C7orf78: variants seen among roughly 807,000 people sequenced by gnomAD.
C7orf78 encodes the protein putative uncharacterized protein C7orf78.
the C7orf78 span, among the ~76,000 whole-genome samples, chr7:12,497,244 G>C: frequency 6.6e-6 from 1 of 152,052 alleles, no homozygotes; most frequent in Non-Finnish European, 1.5e-5. Flanking sequence ...AATAGGAACA[G>C]CTCCGGTCTA....
the C7orf78 span, among the ~76,000 whole-genome samples, chr7:12,502,778 G>A: frequency 7.1e-6 from 1 of 140,968 alleles, no homozygotes; most frequent in Non-Finnish European, 1.5e-5. Flanking sequence ...AAAGACACAT[G>A]CACACGTATG....
chr7:12,493,075 T>A, the C7orf78 span, among the ~76,000 whole-genome samples: 1 of 152,188 alleles, frequency 6.6e-6, no homozygotes, highest in East Asian at 1.9e-4. Flanking sequence ...TGGTGGCACA[T>A]GCCTGTAATC....
At chr7:12,493,570 G>A in the C7orf78 span, among the ~76,000 whole-genome samples, 8 of 152,252 alleles carry the variant, frequency 5.3e-5, no homozygotes, top group Admixed American at 2.0e-4. Context: ...CATGCTCTTG[G>A]TCTGGGGCCA....
At chr7:12,486,742 T>C in the C7orf78 span, among the ~76,000 whole-genome samples, 1 of 152,060 alleles carries the variant, frequency 6.6e-6, no homozygotes, top group African/African-American at 2.4e-5. Context: ...TTCAGCTTCA[T>C]TCTGTGTACT....
the C7orf78 span, chr7:12,529,181 C>CT: frequency 2.8e-5 from 11 of 393,272 alleles, no homozygotes; most frequent in South Asian, 1.4e-4. Flanking sequence ...ATAGCCGCTG[C>CT]TTTTTTTGTG....
At chr7:12,487,862 G>T in the C7orf78 span, among the ~76,000 whole-genome samples, 1 of 152,004 alleles carries the variant, frequency 6.6e-6, no homozygotes, top group Non-Finnish European at 1.5e-5. Flanking sequence ...TACTTGTGCA[G>T]TTATAACCAA....
chr7:12,510,049 A>G, the C7orf78 span, among the ~76,000 whole-genome samples: 1 of 152,116 alleles, frequency 6.6e-6, no homozygotes, highest in South Asian at 2.1e-4. Context: ...AAAAAAAAAA[A>G]AAAAAGACAG....
At chr7:12,520,734 A>T in the C7orf78 span, among the ~76,000 whole-genome samples, 2 of 152,162 alleles carry the variant, frequency 1.3e-5, no homozygotes, top group African/African-American at 4.8e-5. Context: ...AACGTCTGTT[A>T]GGTTTATTTG....
the C7orf78 span, among the ~76,000 whole-genome samples, chr7:12,516,248 G>A: frequency 1.3e-5 from 2 of 152,192 alleles, no homozygotes; most frequent in African/African-American, 4.8e-5. Context: ...GTAGAGCTTG[G>A]GCAATGGCTT....
the C7orf78 span, among the ~76,000 whole-genome samples, chr7:12,526,719 C>T: frequency 1.3e-5 from 2 of 151,252 alleles, no homozygotes; most frequent in Non-Finnish European, 2.9e-5. Context: ...CTAGTATATG[C>T]TATGTGTCAC....
At chr7:12,509,288 T>G in the C7orf78 span, among the ~76,000 whole-genome samples, 1 of 152,242 alleles carries the variant, frequency 6.6e-6, no homozygotes, top group Non-Finnish European at 1.5e-5. Context: ...TCTAGGATAA[T>G]TGCTTTTCTC....
chr7:12,500,800 G>T, the C7orf78 span, among the ~76,000 whole-genome samples: 40,629 of 138,268 alleles, frequency 0.29, 7,598 homozygotes, highest in African/African-American at 0.52. Context: ...TAGACCAATA[G>T]CCTTGATGAA....
the C7orf78 span, among the ~76,000 whole-genome samples, chr7:12,525,475 TAAGTTTAAGATTGC>T: frequency 1.2e-4 from 18 of 152,146 alleles, no homozygotes; most frequent in Non-Finnish European, 2.2e-4. Context: ...ATTAGGTTGC[TAAGTTTAAGATTGC>T]AAGTTTAAGA....
chr7:12,520,587 G>C, the C7orf78 span, among the ~76,000 whole-genome samples: 1 of 152,166 alleles, frequency 6.6e-6, no homozygotes, highest in South Asian at 2.1e-4. Flanking sequence ...AGTCAGAAAA[G>C]ATACTTTCTA....
At chr7:12,491,926 C>G in the C7orf78 span, 1 of 152,200 alleles carries the variant, frequency 6.6e-6, no homozygotes, top group Admixed American at 6.5e-5. Flanking sequence ...CCTCTGGCCA[C>G]TCGGTTATAA....
the C7orf78 span, chr7:12,541,082 T>A: frequency 6.6e-6 from 1 of 152,216 alleles, no homozygotes; most frequent in Non-Finnish European, 1.5e-5. Context: ...AAACAACAAA[T>A]GAAAGTTGCA....
chr7:12,519,271 G>T, the C7orf78 span, among the ~76,000 whole-genome samples: 2 of 152,158 alleles, frequency 1.3e-5, no homozygotes, highest in East Asian at 1.9e-4. Flanking sequence ...TTTAACACAG[G>T]CCACACTGCT....
the C7orf78 span, chr7:12,530,417 A>G: frequency 2.0e-5 from 3 of 152,216 alleles, no homozygotes; most frequent in African/African-American, 7.2e-5. Flanking sequence ...ATGCGACACT[A>G]GAGTCAGGCT....
chr7:12,511,297 T>C, the C7orf78 span, among the ~76,000 whole-genome samples: 1 of 152,234 alleles, frequency 6.6e-6, no homozygotes, highest in South Asian at 2.1e-4. Flanking sequence ...ATTTGTAATA[T>C]GTTTTGAAGA....
Sources: gnomAD v4.1 joint callset for allele counts (sites outside exome capture counted in the v4.1 genomes callset) on GRCh38, gnomAD v4.1.1 for gene constraint, MANE v1.5 for transcripts, NCBI Gene and HGNC (gene_info 2026-07-23, HGNC 2026-07-21) for gene names.